FAAP20: variants seen among roughly 807,000 people sequenced by gnomAD.
The protein encoded by FAAP20 is Fanconi anemia core complex-associated protein 20.
FAAP20 carries 12 observed loss-of-function variants against 16.2 expected under a neutral mutation model. That is an observed-to-expected ratio of 0.74 (90% confidence interval 0.48 to 1.20). The LOEUF (loss-of-function observed/expected upper bound fraction) is 1.20, where lower values mean the gene tolerates loss of function less well. Among genes scored for constraint, FAAP20 ranks in the 50% most tolerant of loss-of-function variants. FAAP20 has a pLI of 0.00. For synonymous variants in FAAP20, 141 were observed against 110.7 expected (o/e 1.27, Z -1.72); for missense variants, 288 against 245.8 (o/e 1.17, Z -1.15).
In FAAP20 at chr1:2,193,689, A is replaced by G. The variant is rs1047360016; in HGVS notation, c.420T>C (p.Gly140=). Residue 140 remains glycine (G), a synonymous_variant, in exon 3 of 4, where the codon GGT becomes GGC. Coordinates refer to ENST00000378546, the MANE Select transcript of FAAP20 (RefSeq NM_182533.4). ...TGGGGCAGCTGCGCAGGGCCGCGGC[A>G]CCCTCCACAGACGGCTGCTGCTCCA... ...PRVEQQPSVE[G]AAALRSCPMC... The G allele has an allele frequency of 4.4e-6, 7 of 1,598,234 alleles. No individual in the cohort carries two copies. In the African/African-American group the frequency reaches 9.5e-5, roughly 22 times the overall value.
downstream of FAAP20, among the ~76,000 whole-genome samples, chr1:2,211,413 ATATATATATATATATATATATATTTTTTT>A (rs1689435203): frequency 7.2e-5 from 1 of 13,930 alleles, no homozygotes; most frequent in Non-Finnish European, 1.1e-4. Flanking sequence ...ATATATATAT[ATATATATATATATATATATATATTTTTTT>A]TTTTTTTTTT....
At chr1:2,205,683 C>G (rs1005392381) in intron 3 of FAAP20, among the ~76,000 whole-genome samples, 7 of 152,226 alleles carry the variant, frequency 4.6e-5, no homozygotes, top group Admixed American at 1.3e-4. Context: ...ACGGTGTACG[C>G]CCACGGTCCG....
chr1:2,203,344 C>T (rs1238082770), upstream of FAAP20: 1 of 888,970 alleles, frequency 1.1e-6, no homozygotes, highest in African/African-American at 1.8e-5. Flanking sequence ...GTGGGGCAGG[C>T]TCTCTGGACA....
At chr1:2,186,647 G>A (rs775384083), downstream of FAAP20, among the ~76,000 whole-genome samples, 2 of 152,302 alleles carry the variant, frequency 1.3e-5, no homozygotes, top group Admixed American at 1.3e-4. Context: ...TCACACAGGT[G>A]TCCCAGACCA....
downstream of FAAP20, among the ~76,000 whole-genome samples, chr1:2,211,374 TACCTGCCACC>T (rs1689431892): frequency 8.9e-6 from 1 of 112,892 alleles, no homozygotes; most frequent in Non-Finnish European, 1.8e-5. Context: ...GGATTACAGG[TACCTGCCACC>T]ACGCCTGGCT....
At chr1:2,194,559 CGTGGGGGCCGGG>C (rs1406510651) in intron 1 of FAAP20, 117 bp downstream of exon 1, 1 of 204,052 alleles carries the variant, frequency 4.9e-6, no homozygotes, top group Admixed American at 1.7e-4. Flanking sequence ...GGGCGACGGG[CGTGGGGGCCGGG>C]CCCGGGGGCA....
At chr1:2,211,399 TTATATATATA>T (rs1158545722), downstream of FAAP20, among the ~76,000 whole-genome samples, 269 of 21,000 alleles carry the variant, frequency 0.013, 10 homozygotes, top group East Asian at 0.021. Context: ...CTGGCTAATT[TTATATATATA>T]TATATATATA....
intron 3 of FAAP20, chr1:2,190,452 G>C (rs973457568): frequency 4.9e-5 from 22 of 444,464 alleles, no homozygotes; most frequent in African/African-American, 4.2e-4. Context: ...AGTGGGGCCG[G>C]GAGGGGTGTC....
upstream of FAAP20, chr1:2,198,764 G>A (rs1198131388): frequency 9.3e-6 from 12 of 1,288,006 alleles, no homozygotes; most frequent in Non-Finnish European, 9.1e-6. Flanking sequence ...CTGCTGGCAA[G>A]GACAGCCAAA....
upstream of FAAP20, among the ~76,000 whole-genome samples, chr1:2,195,300 CAGCTGAGGGGCT>C (rs1313374176): frequency 5.9e-5 from 9 of 151,860 alleles, no homozygotes; most frequent in Admixed American, 2.0e-4. Flanking sequence ...GCCCTGGGGG[CAGCTGAGGGGCT>C]TTCCTGCCTG....
At chr1:2,211,411 A>T (rs1388098423), downstream of FAAP20, among the ~76,000 whole-genome samples, 1 of 10,534 alleles carries the variant, frequency 9.5e-5, no homozygotes, top group Non-Finnish European at 1.5e-4. Flanking sequence ...ATATATATAT[A>T]TATATATATA....
downstream of FAAP20, among the ~76,000 whole-genome samples, chr1:2,211,226 C>CTTTTTTTTTTTTTT (rs56294751): frequency 1.1e-4 from 11 of 101,112 alleles, no homozygotes; most frequent in East Asian, 2.8e-4. Context: ...TTCTTTCTTT[C>CTTTTTTTTTTTTTT]TTTTTTTTTT....
At chr1:2,202,890 C>A (rs916738102), upstream of FAAP20, among the ~76,000 whole-genome samples, 1 of 152,200 alleles carries the variant, frequency 6.6e-6, no homozygotes, top group Non-Finnish European at 1.5e-5. Context: ...GTGCCATATA[C>A]CCCCACTTCT....
At chr1:2,211,518 C>T (rs1180477999), downstream of FAAP20, among the ~76,000 whole-genome samples, 1 of 132,520 alleles carries the variant, frequency 7.5e-6, no homozygotes, top group Non-Finnish European at 1.5e-5. Context: ...GCAATCTGGG[C>T]TCACTACAAG....
intron 3 of FAAP20, 43 bp from the exon 4 acceptor site, chr1:2,189,824 TGCTG>T: frequency 6.8e-7 from 1 of 1,473,244 alleles, no homozygotes; most frequent in Non-Finnish European, 9.5e-7. Context: ...CTCCGCGGCA[TGCTG>T]GCCGCAGAGA....
Position 2,193,693 on chromosome 1 carries a change from T to A in FAAP20, c.416A>T (p.Glu139Val). The change falls in exon 3 of 4, where the codon GAG becomes GTG. Residue 139 changes from glutamate to valine, a missense_variant. Glu to Val is a moderately radical substitution (Grantham distance 121). Coordinates refer to ENST00000378546, the MANE Select transcript of FAAP20 (RefSeq NM_182533.4). Reference protein sequence around the residue: ...APRVEQQPSVEGAAALRSCPM... With the variant: ...APRVEQQPSVVGAAALRSCPM... ...GCAGCTGCGCAGGGCCGCGGCACCC[T>A]CCACAGACGGCTGCTGCTCCACCCT... 1 of 1,597,122 alleles carries A rather than the reference T, an allele frequency of 6.3e-7. No individual in the cohort carries two copies. The highest frequency in any genetic ancestry group is 8.5e-7 in the Non-Finnish European group (1 of 1,174,622).
chr1:2,207,655 T>C (rs991347751), downstream of FAAP20: 2 of 151,948 alleles, frequency 1.3e-5, no homozygotes, highest in South Asian at 4.1e-4. Flanking sequence ...TTTCCTACAG[T>C]GGAGAAGGGG....
chr1:2,211,280 A>G (rs1689428040), downstream of FAAP20, among the ~76,000 whole-genome samples: 4 of 118,004 alleles, frequency 3.4e-5, no homozygotes, highest in Admixed American at 3.2e-4. Flanking sequence ...CCCTGGTTGG[A>G]GTGCAGTCGC....
Position 2,194,765 on chromosome 1 carries a change from G to C in FAAP20, c.-16C>G. The C allele has an allele frequency of 1.7e-6, 2 of 1,175,974 alleles. No homozygotes were observed. The highest frequency in any genetic ancestry group is 2.1e-6 in the Non-Finnish European group (2 of 952,636). The allele number at this position is 1,175,974 out of a possible 1,614,324, so 72.8% of individuals were successfully genotyped here. A position where few individuals can be genotyped will look rare whatever the true frequency, so the allele number is the denominator to read the frequency against. On this transcript the variant is annotated 5_prime_UTR_variant, in exon 1 of 4. Coordinates refer to ENST00000378546, the MANE Select transcript of FAAP20 (RefSeq NM_182533.4). ...CCGCCTCCATCCAAGCCCGCGCCGG[G>C]CGGAAGTGAGCGCAAGCCCCGCCCC...
Sources: gnomAD v4.1 joint callset for allele counts (sites outside exome capture counted in the v4.1 genomes callset) on GRCh38, gnomAD v4.1.1 for gene constraint, MANE v1.5 for transcripts, NCBI Gene and HGNC (gene_info 2026-07-23, HGNC 2026-07-21) for gene names.